Variants in RFX7 observed in about 807,000 individuals in gnomAD.
RFX7 encodes the protein regulatory factor X7.
A neutral mutation model predicts 111.8 loss-of-function variants in RFX7; 26 were observed. That is an observed-to-expected ratio of 0.23 (90% CI 0.17 to 0.32). The LOEUF is 0.32. Among genes scored for constraint, RFX7 ranks in the 10% least tolerant of loss-of-function variants. The pLI, the probability that RFX7 is intolerant of heterozygous loss-of-function variation, is 1.00. For missense variants in RFX7, 1,573 were observed against 1,772.9 expected (o/e 0.89, Z 2.02); for synonymous variants, 624 against 624.4 (o/e 1.00, Z 0.01).
chr15:56,243,518 C>T lies in RFX7; in HGVS notation c.-76G>A, dbSNP rs1302853510. 1 of 984,704 alleles carries T rather than the reference C, an allele frequency of 1.0e-6. No individual in the cohort carries two copies. The highest frequency in any genetic ancestry group is 1.2e-6 in the Non-Finnish European group (1 of 829,710). The allele number at this position is 984,704 out of a possible 1,614,324, so 61.0% of individuals were successfully genotyped here. On this transcript the variant is annotated 5_prime_UTR_variant, in exon 1 of 10. Transcript: ENST00000559447. ...CGGGGAGACCAGCGGCTCCTCACGG[C>T]CGGGGCGCTTCACCGCGGGAGAGGC...
Position 56,094,674 on chromosome 15 carries a change from A to T in RFX7, c.3054T>A (p.Val1018=). The T allele has an allele frequency of 6.2e-7, 1 of 1,613,978 alleles. No homozygotes were observed. Among genetic ancestry groups the T allele is most frequent in the Non-Finnish European group, 8.5e-7 (1 of 1,179,882 alleles). The change falls in exon 10 of 10, where the codon GTT becomes GTA. Residue 1018 remains valine, a synonymous_variant. Transcript: ENST00000559447. ...TGAATGCAAACGGATTCCTGCATTCAACAGGGCTGGGGGGGACACTACTGC... is the reference window on the plus strand; with the variant it reads ...TGAATGCAAACGGATTCCTGCATTCTACAGGGCTGGGGGGGACACTACTGC... The part of the protein sequence containing the change: ...NCSSSVPPSP[V]ECRNPFAFTP...
intron 8 of RFX7, among the ~76,000 whole-genome samples, chr15:56,098,659 C>T (rs1257045837): frequency 2.6e-5 from 4 of 152,106 alleles, no homozygotes; most frequent in African/African-American, 4.8e-5. Context: ...TTTTAAAAAC[C>T]GTAGCTATAT....
In RFX7 at chr15:56,093,845, T is replaced by G; in HGVS notation, c.3883A>C (p.Ser1295Arg). 1.2e-6 allele frequency: 2 copies of G among 1,613,960 alleles called. No homozygotes were observed. The highest frequency in any genetic ancestry group is 1.7e-6 in the Non-Finnish European group (2 of 1,179,868). Residue 1295 changes from serine to arginine, a missense_variant, in exon 10 of 10, where the codon AGT (serine) becomes CGT (arginine). By Grantham distance (110) the Ser-to-Arg change is moderately radical. This residue lies in a region of RFX7 where 411 missense variants were observed against 478.1 expected (regional missense o/e 0.86). Coordinates refer to ENST00000559447, the MANE Select transcript of RFX7 (RefSeq NM_022841.7). The stretch of plus-strand genomic sequence containing the variant: ...TCGATCATATTTTGTGGGTTGGCAC[T>G]AGGAAAAACAGTGGAAGGTTCCAAA... ...QILEPSTVFPSANPQNMIDSS... is the reference protein window; with the variant it reads ...QILEPSTVFPRANPQNMIDSS...
At chr15:56,141,397 C>A (rs1486350165) in intron 5 of RFX7, among the ~76,000 whole-genome samples, 5 of 151,476 alleles carry the variant, frequency 3.3e-5, no homozygotes, top group Non-Finnish European at 5.9e-5. Context: ...AACAAAAAAA[C>A]CAAAGAAACC....
Position 56,095,817 on chromosome 15 carries a change from G to C in RFX7, c.1911C>G (p.Ser637Arg). The change falls in exon 10 of 10, where the codon AGC becomes AGG. Residue 637 changes from serine (S) to arginine (R), a missense_variant. Transcript: ENST00000559447. ...TGATTGAGTCACCATTAGGTGGTGA[G>C]CTGCTGCTGGTGAAAGTTAAGTTCT... Reference protein sequence around the residue: ...ASQNLTFTSSSSPPNGDSINK... With the variant: ...ASQNLTFTSSRSPPNGDSINK... The C allele has an allele frequency of 6.2e-7, 1 of 1,611,206 alleles. No homozygotes were observed. Among genetic ancestry groups the C allele is most frequent in the Non-Finnish European group, 8.5e-7 (1 of 1,179,838 alleles).
intron 2 of RFX7, among the ~76,000 whole-genome samples, chr15:56,187,092 A>G (rs1236903227): frequency 2.0e-5 from 3 of 152,224 alleles, no homozygotes; most frequent in African/African-American, 7.2e-5. Flanking sequence ...AACTTGCTAC[A>G]CATAACAATT....
chr15:56,089,461 G>A lies in RFX7; in HGVS notation c.*3884C>T, dbSNP rs1404709283. On this transcript the variant is annotated 3_prime_UTR_variant, in exon 10 of 10. Coordinates refer to ENST00000559447, the MANE Select transcript of RFX7 (RefSeq NM_022841.7). ...TCCACTATTATTAAGCTAAAAGTAA[G>A]TGTCCTTATGGTTTAAGCCAGTGTT... is the stretch of plus-strand genomic sequence containing the variant. 2 of 152,290 alleles carry A rather than the reference G, an allele frequency of 1.3e-5. No homozygotes were observed. Among genetic ancestry groups the A allele is most frequent in the Non-Finnish European group, 2.9e-5 (2 of 68,010 alleles). 9.4% of individuals were successfully genotyped at this position (152,290 alleles called of 1,614,324 possible).
Position 56,179,342 on chromosome 15 carries a change from T to C in RFX7, c.162-39A>G, listed in dbSNP as rs760281289. 1.0e-4 allele frequency: 102 copies of C among 1,022,044 alleles called. No homozygotes were observed. In the Middle Eastern group the frequency reaches 3.0e-3, roughly 30 times the overall value. 63.3% of individuals were successfully genotyped at this position (1,022,044 alleles called of 1,614,324 possible). On this transcript the variant is annotated intron_variant, in intron 2 of 9. Transcript: ENST00000559447. ...AAAGTTAGGTTAGTAAAATGAAAAGTTTATTAACTATCTGCAATATTCTCA... is the reference window on the plus strand; with the variant it reads ...AAAGTTAGGTTAGTAAAATGAAAAGCTTATTAACTATCTGCAATATTCTCA...
chr15:56,239,185 G>A (rs374388584), intron 2 of RFX7, among the ~76,000 whole-genome samples: 4 of 152,182 alleles, frequency 2.6e-5, no homozygotes, highest in East Asian at 1.9e-4. Flanking sequence ...TGTGTAATGA[G>A]CATCTTAGGG....
At position 56,094,240 on chromosome 15, in the gene RFX7, C is replaced by G. The variant is rs1370984190; in HGVS notation, c.3488G>C (p.Arg1163Thr). 1 of 1,613,984 alleles carries G rather than the reference C, an allele frequency of 6.2e-7. No homozygotes were observed. The highest frequency in any genetic ancestry group is 2.2e-5 in the East Asian group (1 of 44,884). The change falls in exon 10 of 10, where the codon AGA (arginine) becomes ACA (threonine). Residue 1163 changes from arginine (R) to threonine (T), a missense_variant. Coordinates refer to ENST00000559447, the MANE Select transcript of RFX7 (RefSeq NM_022841.7). Reference sequence around the variant, plus strand: ...AACAGCAGGGCTCACACTCCGGCATCTGAAGTTGCTGCTGGCAGATGAATT... The same window carrying G: ...AACAGCAGGGCTCACACTCCGGCATGTGAAGTTGCTGCTGGCAGATGAATT... ...GTNSSASSNF[R>T]CRSVSPAVHR...
In RFX7 at chr15:56,096,680, G is replaced by GT. The variant is rs1396216848; in HGVS notation, c.1108-61dup. 15 of 1,452,568 alleles carry GT rather than the reference G, an allele frequency of 1.0e-5. No homozygotes were observed. The Admixed American group carries it at 3.0e-4, about 29-fold the overall frequency. The allele number at this position is 1,452,568 out of a possible 1,614,324, so 90.0% of individuals were successfully genotyped here. ...GTCTAGCCTGTAAATAGTAATTCAT[G>GT]TATCTGTATATACTTTTAAGTCATT... On this transcript the variant is annotated intron_variant, in intron 9 of 9. Coordinates refer to ENST00000559447, the MANE Select transcript of RFX7 (RefSeq NM_022841.7).
chr15:56,107,296 CAAAAAAAAAAAAAAAA>C (rs56077181), intron 5 of RFX7, among the ~76,000 whole-genome samples: 2 of 32,146 alleles, frequency 6.2e-5, no homozygotes, highest in African/African-American at 2.2e-4. Context: ...GACTCCGTCT[CAAAAAAAAAAAAAAAA>C]AAAAAAAAAA....
At chr15:56,147,101 G>C (rs1201702050) in intron 3 of RFX7, among the ~76,000 whole-genome samples, 1 of 152,092 alleles carries the variant, frequency 6.6e-6, no homozygotes, top group African/African-American at 2.4e-5. Flanking sequence ...TAAATGATAA[G>C]AATTAAAAGT....
At chr15:56,205,812 A>G (rs910069120) in intron 2 of RFX7, among the ~76,000 whole-genome samples, 2 of 152,226 alleles carry the variant, frequency 1.3e-5, no homozygotes, top group Admixed American at 6.5e-5. Context: ...AATGGAGGAA[A>G]GACAGCTTTT....
intron 2 of RFX7, among the ~76,000 whole-genome samples, chr15:56,215,448 T>TA (rs1392523113): frequency 6.6e-6 from 1 of 152,198 alleles, no homozygotes; most frequent in Non-Finnish European, 1.5e-5. Flanking sequence ...TCAATTTAGA[T>TA]AATCAAATAA....
chr15:56,125,869 T>C (rs185260184), intron 5 of RFX7, among the ~76,000 whole-genome samples: 1 of 152,258 alleles, frequency 6.6e-6, no homozygotes, highest in East Asian at 1.9e-4. Context: ...AAGTCCAATC[T>C]TTCTCCCCTG....
intron 3 of RFX7, among the ~76,000 whole-genome samples, chr15:56,145,154 A>T (rs139877554): frequency 5.8e-4 from 88 of 152,178 alleles, no homozygotes; most frequent in Admixed American, 1.1e-3. Flanking sequence ...CTCTAAATGT[A>T]ACCTTTAAAA....
At chr15:56,127,046 G>C (rs968365029) in intron 5 of RFX7, among the ~76,000 whole-genome samples, 1 of 151,984 alleles carries the variant, frequency 6.6e-6, no homozygotes, top group East Asian at 1.9e-4. Flanking sequence ...GCCAACAATA[G>C]CACAAAAAGC....
At chr15:56,153,678 CCAGT>C (rs1363024392) in intron 3 of RFX7, among the ~76,000 whole-genome samples, 2 of 152,162 alleles carry the variant, frequency 1.3e-5, no homozygotes, top group Non-Finnish European at 2.9e-5. Context: ...AAACCCACAG[CCAGT>C]ATCATACTGA....
Sources: gnomAD v4.1 joint callset for allele counts (sites outside exome capture counted in the v4.1 genomes callset) on GRCh38, gnomAD v4.1.1 for gene constraint, gnomAD v4.1.1 regional missense constraint, MANE v1.5 for transcripts, NCBI Gene and HGNC (gene_info 2026-07-23, HGNC 2026-07-21) for gene names.